SPAG16: variants seen among roughly 807,000 people sequenced by gnomAD.
SPAG16 encodes sperm associated antigen 16.
SPAG16 carries 86 observed loss-of-function variants against 80.4 expected under a neutral mutation model. That is an observed-to-expected ratio of 1.07 (90% CI 0.90 to 1.28). The LOEUF is 1.28. Among genes scored for constraint, SPAG16 ranks in the 50% most tolerant of loss-of-function variants. The probability of loss-of-function intolerance (pLI) is 0.00; values close to 1 mark genes in which losing one functional copy is unlikely to be tolerated. For synonymous variants in SPAG16, 294 were observed against 265.9 expected, an observed-to-expected ratio of 1.11 and a Z score of -1.03; for missense variants, 870 against 765.3, an observed-to-expected ratio of 1.14 and a Z score of -1.61.
chr2:213,910,441 C>A (rs1236770215), intron 11 of SPAG16, among the ~76,000 whole-genome samples: 2 of 151,248 alleles, frequency 1.3e-5, no homozygotes, highest in East Asian at 1.9e-4. Flanking sequence ...AAAATAATCC[C>A]AAATTTGAAA....
chr2:213,302,633 G>GTT (rs1285325086), intron 3 of SPAG16: 1 of 61,852 alleles, frequency 1.6e-5, no homozygotes, highest in Non-Finnish European at 3.2e-5. Flanking sequence ...GTGTGTGTGT[G>GTT]TGTGTGTGTG....
At chr2:213,920,826 C>T (rs1005522891) in intron 11 of SPAG16, among the ~76,000 whole-genome samples, 1 of 152,234 alleles carries the variant, frequency 6.6e-6, no homozygotes, top group Non-Finnish European at 1.5e-5. Context: ...TACTCTGCCA[C>T]GAGTGCTTAG....
chr2:214,090,281 A>G (rs2052090760), intron 13 of SPAG16, among the ~76,000 whole-genome samples: 1 of 151,974 alleles, frequency 6.6e-6, no homozygotes, highest in Non-Finnish European at 1.5e-5. Context: ...CTTTTAAAAT[A>G]AAATAATTAT....
intron 10 of SPAG16, among the ~76,000 whole-genome samples, chr2:213,680,989 A>G (rs1236399585): frequency 6.6e-6 from 1 of 152,202 alleles, no homozygotes; most frequent in Non-Finnish European, 1.5e-5. Flanking sequence ...AAGATAAAGG[A>G]TTGTGGAGAC....
chr2:213,682,264 T>C (rs1252538484), intron 10 of SPAG16, among the ~76,000 whole-genome samples: 1 of 152,180 alleles, frequency 6.6e-6, no homozygotes, highest in Non-Finnish European at 1.5e-5. Context: ...AAGATCAAGA[T>C]TGTTATATGT....
intron 12 of SPAG16, among the ~76,000 whole-genome samples, chr2:213,959,217 T>C (rs537768320): frequency 6.6e-6 from 1 of 152,346 alleles, no homozygotes; most frequent in Admixed American, 6.5e-5. Context: ...TTGAATGTAA[T>C]ATGTCTCAGT....
intron 10 of SPAG16, among the ~76,000 whole-genome samples, chr2:213,847,354 C>T (rs1029124829): frequency 6.6e-6 from 1 of 152,128 alleles, no homozygotes; most frequent in Non-Finnish European, 1.5e-5. Flanking sequence ...TTATGGGAAG[C>T]ATCGTGCTGG....
At chr2:213,335,019 T>G (rs2064282660) in intron 5 of SPAG16, among the ~76,000 whole-genome samples, 1 of 152,214 alleles carries the variant, frequency 6.6e-6, no homozygotes, top group Middle Eastern at 3.2e-3. Context: ...TTATTACACA[T>G]GCATGCCTGT....
chr2:213,928,008 T>C (rs2106236138), intron 11 of SPAG16, among the ~76,000 whole-genome samples: 1 of 152,218 alleles, frequency 6.6e-6, no homozygotes, highest in East Asian at 1.9e-4. Context: ...GCAAAAACAG[T>C]TTTTGTTGGT....
chr2:213,647,181 G>C (rs758080108), intron 10 of SPAG16, among the ~76,000 whole-genome samples: 10 of 152,160 alleles, frequency 6.6e-5, no homozygotes, highest in Non-Finnish European at 1.3e-4. Flanking sequence ...TCTTTGTATT[G>C]TGTGGTGGGC....
At chr2:213,654,498 C>A (rs576601402) in intron 10 of SPAG16, among the ~76,000 whole-genome samples, 1 of 139,754 alleles carries the variant, frequency 7.2e-6, no homozygotes, top group South Asian at 2.2e-4. Flanking sequence ...AGATCGAGAC[C>A]AACCTGGCTA....
At position 213,803,426 on chromosome 2, in the gene SPAG16, G is replaced by T. The variant is rs1363358214; in HGVS notation, c.1071-59059G>T. 5.3e-5 allele frequency among the ~76,000 whole-genome samples: 8 copies of T among 152,142 alleles called. No individual in the cohort carries two copies. The East Asian group carries it at 1.3e-3, about 26-fold the overall frequency. ...AAATACAGAGGTGAGAAGGGAGTGA[G>T]AGACAGATTTTACCTTGGAATTGTA... On this transcript the variant is annotated intron_variant, in intron 10 of 15. Coordinates refer to ENST00000331683, the MANE Select transcript of SPAG16 (RefSeq NM_024532.5).
chr2:213,636,536 G>T (rs1310222411), intron 10 of SPAG16, among the ~76,000 whole-genome samples: 2 of 152,150 alleles, frequency 1.3e-5, no homozygotes, highest in East Asian at 1.9e-4. Flanking sequence ...TTTGTAGATT[G>T]CTTTTGGCAG....
chr2:213,495,169 G>A (rs969390758), intron 10 of SPAG16, among the ~76,000 whole-genome samples: 1 of 152,184 alleles, frequency 6.6e-6, no homozygotes, highest in Non-Finnish European at 1.5e-5. Context: ...AGCCCATTGG[G>A]AGATTATATC....
At chr2:214,165,125 C>T (rs989334819) in intron 15 of SPAG16, among the ~76,000 whole-genome samples, 6 of 151,858 alleles carry the variant, frequency 4.0e-5, no homozygotes, top group African/African-American at 1.5e-4. Flanking sequence ...ATCAGCCTGA[C>T]AGACATAAGT....
intron 10 of SPAG16, among the ~76,000 whole-genome samples, chr2:213,674,543 C>T (rs1269637728): frequency 6.7e-6 from 1 of 149,402 alleles, no homozygotes; most frequent in South Asian, 2.1e-4. Context: ...CTTTCCCCCA[C>T]CCCACAACAG....
At chr2:214,063,190 A>G (rs940780789) in intron 13 of SPAG16, among the ~76,000 whole-genome samples, 7 of 152,212 alleles carry the variant, frequency 4.6e-5, no homozygotes, top group South Asian at 2.1e-4. Flanking sequence ...AATGGGTACT[A>G]TATCAAACAG....
intron 13 of SPAG16, among the ~76,000 whole-genome samples, chr2:214,028,808 T>A (rs555728168): frequency 6.6e-6 from 1 of 152,216 alleles, no homozygotes; most frequent in East Asian, 1.9e-4. Flanking sequence ...CGCATGTGTA[T>A]GTGTTGAATG....
intron 10 of SPAG16, among the ~76,000 whole-genome samples, chr2:213,531,413 G>A (rs1459556009): frequency 1.5e-5 from 2 of 137,104 alleles, no homozygotes; most frequent in Non-Finnish European, 3.1e-5. Flanking sequence ...ATTCTCTTTG[G>A]CAGAATGTGT....
Sources: allele counts gnomAD v4.1 joint callset (sites outside exome capture counted in the v4.1 genomes callset), GRCh38; gene constraint gnomAD v4.1.1; transcripts MANE v1.5; gene names NCBI Gene and HGNC (gene_info 2026-07-23, HGNC 2026-07-21).